The following CD96 variants were observed in gnomAD, a reference collection of about 807,000 sequenced individuals.
The protein encoded by CD96 is T-cell surface protein tactile.
CD96 carries 70 observed loss-of-function variants against 71.3 expected under a neutral mutation model. The observed-to-expected ratio is 0.98, with a 90% CI of 0.81 to 1.20. CD96 has a LOEUF of 1.20. Ranked by LOEUF, CD96 falls within the 50% of genes most tolerant of loss-of-function variation. CD96 has a pLI of 0.00. For synonymous variants in CD96, 248 were observed against 233.0 expected (o/e 1.06, Z -0.59); for missense variants, 742 against 677.5 (o/e 1.10, Z -1.06).
intron 13 of CD96, among the ~76,000 whole-genome samples, chr3:111,649,422 T>C (rs1295571836): frequency 6.6e-6 from 1 of 152,238 alleles, no homozygotes; most frequent in Non-Finnish European, 1.5e-5. Flanking sequence ...AAATGCTCAG[T>C]TTTATCTGTA....
At position 111,606,775 on chromosome 3, in the gene CD96, G is replaced by T; in HGVS notation, c.1163G>T (p.Ser388Ile). Residue 388 changes from serine (S) to isoleucine (I), a missense_variant, in exon 8 of 14, where the codon AGC becomes ATC. By Grantham distance (142) the Ser-to-Ile change is moderately radical. Coordinates refer to ENST00000352690, the MANE Select transcript of CD96 (RefSeq NM_005816.5). ...CTTGACACCCAACCTTCTCCAGCCAGCAGTGTATCTCCTGCAAGTAAGAAT... is the reference window on the plus strand; with the variant it reads ...CTTGACACCCAACCTTCTCCAGCCATCAGTGTATCTCCTGCAAGTAAGAAT... ...STLDTQPSPA[S>I]SVSPARYPAT... 6.3e-7 allele frequency: 1 copy of T among 1,584,516 alleles called. No individual in the cohort carries two copies. Among genetic ancestry groups the T allele is most frequent in the Non-Finnish European group, 8.7e-7 (1 of 1,152,944 alleles).
rs773961659 is a variant in CD96 at position 111,545,106 on chromosome 3, T to G, written c.122T>G (p.Val41Gly). 3.7e-6 allele frequency: 6 copies of G among 1,614,204 alleles called. No individual in the cohort carries two copies. The highest frequency in any genetic ancestry group is 5.1e-6 in the Non-Finnish European group (6 of 1,180,038). The change falls in exon 2 of 14, where the codon GTC becomes GGC. Residue 41 changes from valine (V) to glycine (G), a missense_variant. Physicochemically the swap from Val to Gly is moderately radical, Grantham distance 109. Transcript: ENST00000352690. ...ENVYATLGSD[V>G]NLTCQTQTVG... is the part of the protein sequence containing the mutation. ...GTTTATGCTACACTTGGCTCTGATG[T>G]CAACCTGACCTGCCAAACACAGACA...
intron 10 of CD96, among the ~76,000 whole-genome samples, chr3:111,628,298 T>C (rs948727994): frequency 1.3e-5 from 2 of 152,002 alleles, no homozygotes; most frequent in African/African-American, 2.4e-5. Context: ...AATGCAGGAG[T>C]TGACAGCCTA....
At position 111,600,915 on chromosome 3, in the gene CD96, G is replaced by A. The variant is rs1218694509; in HGVS notation, c.1087+1G>A. 2 of 1,587,752 alleles carry A rather than the reference G, an allele frequency of 1.3e-6. No individual in the cohort carries two copies. The highest frequency in any genetic ancestry group is 4.5e-5 in the East Asian group (2 of 44,722). On this transcript the variant is annotated splice_donor_variant, in intron 7 of 13. Transcript: ENST00000352690. LOFTEE classifies it high-confidence loss of function. Reference sequence around the variant, plus strand: ...TCAGAAAAGATCACTTTTCTCTTAGGTGAGTTGTCTATTTAATAAGATCAA... The same window carrying A: ...TCAGAAAAGATCACTTTTCTCTTAGATGAGTTGTCTATTTAATAAGATCAA...
Position 111,619,931 on chromosome 3 carries a change from C to T in CD96, c.1181-3823C>T, listed in dbSNP as rs546115138. Among the ~76,000 whole-genome samples the T allele has an allele frequency of 6.6e-4, 100 of 152,312 alleles. No homozygotes were observed. The South Asian group carries it at 9.9e-3, about 15-fold the overall frequency. On this transcript the variant is annotated intron_variant, in intron 8 of 13. Coordinates refer to ENST00000352690, the MANE Select transcript of CD96 (RefSeq NM_005816.5). The stretch of plus-strand genomic sequence containing the variant: ...CTTTTGTCTTGGATATGCACTTTGG[C>T]AGGTAACGCCCCACCTAGCTCTCAC...
Position 111,650,922 on chromosome 3 carries a change from C to A in CD96, c.*1116C>A, listed in dbSNP as rs577161531. The A allele has an allele frequency of 3.3e-5, 5 of 152,348 alleles. No homozygotes were observed. In the East Asian group the frequency reaches 7.7e-4, roughly 24 times the overall value. 9.4% of individuals were successfully genotyped at this position (152,348 alleles called of 1,614,324 possible). On this transcript the variant is annotated 3_prime_UTR_variant, in exon 14 of 14. Coordinates refer to ENST00000352690, the MANE Select transcript of CD96 (RefSeq NM_005816.5). ...AGGAGGGAAAAACAGATGTTGTTGACAGATAGAGTGATAGGCAAATTCTGT... is the reference window on the plus strand; with the variant it reads ...AGGAGGGAAAAACAGATGTTGTTGAAAGATAGAGTGATAGGCAAATTCTGT...
intron 12 of CD96, 104 bp from the exon 13 acceptor site, chr3:111,647,439 C>A (rs1443839871): frequency 3.0e-6 from 3 of 1,015,502 alleles, no homozygotes; most frequent in Non-Finnish European, 4.7e-6. Flanking sequence ...TGATCACAGC[C>A]AATGTTGAAG....
intron 8 of CD96, among the ~76,000 whole-genome samples, chr3:111,612,409 A>C (rs960838243): frequency 6.6e-6 from 1 of 152,244 alleles, no homozygotes; most frequent in Non-Finnish European, 1.5e-5. Context: ...TAGCAATTAC[A>C]TAAAAATGTT....
intron 12 of CD96, 21 bp downstream of exon 12, chr3:111,638,189 TG>T: frequency 7.1e-7 from 1 of 1,410,386 alleles, no homozygotes; most frequent in Non-Finnish European, 1.0e-6. Flanking sequence ...TATCCTATTT[TG>T]GGGGATTTTA....
rs190124773 is a variant in CD96, at chr3:111,636,447, C to A, written c.1322-749C>A. The stretch of plus-strand genomic sequence containing the variant: ...GTAATATATTTGTACTGATTACAAC[C>A]GTGTATTACTATAGTTATTTTACTT... On this transcript the variant is annotated intron_variant, in intron 10 of 13. Transcript: ENST00000352690. 9.9e-5 allele frequency among the ~76,000 whole-genome samples: 15 copies of A among 152,240 alleles called. No individual in the cohort carries two copies. The East Asian group carries it at 1.3e-3, about 14-fold the overall frequency.
At chr3:111,657,402 AAGACTCCATTTCAAAAAAAAAAAAACC>A (rs2107810309) in intron 14 of CD96, among the ~76,000 whole-genome samples, 1 of 151,938 alleles carries the variant, frequency 6.6e-6, no homozygotes, top group Non-Finnish European at 1.5e-5. Context: ...GCAACAGAGT[AAGACTCCATTTCAAAAAAAAAAAAACC>A]TAATTCAAGT....
intron 4 of CD96, 131 bp from the exon 5 acceptor site, chr3:111,585,192 A>G (rs1404070979): frequency 3.2e-6 from 1 of 313,320 alleles, no homozygotes; most frequent in Non-Finnish European, 5.8e-6. Context: ...GTATTATATT[A>G]ATAAATATTA....
At chr3:111,610,263 C>T (rs1937849980) in intron 8 of CD96, among the ~76,000 whole-genome samples, 1 of 152,144 alleles carries the variant, frequency 6.6e-6, no homozygotes, top group Non-Finnish European at 1.5e-5. Context: ...TTGAAAAATC[C>T]AAATTTTGCC....
At chr3:111,625,185 C>T (rs1938690591) in intron 10 of CD96, among the ~76,000 whole-genome samples, 1 of 152,194 alleles carries the variant, frequency 6.6e-6, no homozygotes, top group Admixed American at 6.5e-5. Flanking sequence ...TTCCTGGGAA[C>T]TTGTCCTTAG....
At chr3:111,606,603 GAATA>G (rs988913640) in intron 7 of CD96, 93 bp from the exon 8 acceptor site, 1 of 740,418 alleles carries the variant, frequency 1.4e-6, no homozygotes, top group Non-Finnish European at 2.4e-6. Context: ...GTTACATGAT[GAATA>G]AATAAAGGAA....
intron 12 of CD96, among the ~76,000 whole-genome samples, chr3:111,645,959 A>G (rs765785880): frequency 5.3e-5 from 8 of 152,168 alleles, no homozygotes; most frequent in Non-Finnish European, 7.4e-5. Context: ...CTAATATTAC[A>G]TCTAGTTCTT....
At chr3:111,655,124 G>T (rs968663957), downstream of CD96, among the ~76,000 whole-genome samples, 2 of 152,202 alleles carry the variant, frequency 1.3e-5, no homozygotes, top group African/African-American at 4.8e-5. Context: ...TAATTGGGTT[G>T]CATTGGATTT....
chr3:111,656,903 G>A (rs536558853), downstream of CD96, among the ~76,000 whole-genome samples: 6 of 152,010 alleles, frequency 3.9e-5, no homozygotes, highest in African/African-American at 7.2e-5. Flanking sequence ...AGAGTGTGAC[G>A]GATATATGGA....
intron 12 of CD96, 50 bp from the exon 13 acceptor site, chr3:111,647,493 A>G (rs939091602): frequency 6.3e-7 from 1 of 1,588,358 alleles, no homozygotes. Flanking sequence ...CCTGTTTTCC[A>G]AATGCCAAAG....
Sources: allele counts gnomAD v4.1 joint callset (sites outside exome capture counted in the v4.1 genomes callset), GRCh38; gene constraint gnomAD v4.1.1; transcripts MANE v1.5; gene names NCBI Gene and HGNC (gene_info 2026-07-23, HGNC 2026-07-21).